Variants in HCFC2 observed in about 807,000 individuals in gnomAD.
HCFC2 encodes the protein host cell factor 2.
In HCFC2, 18 loss-of-function variants were observed where a neutral mutation model predicts 89.2. That is an observed-to-expected ratio of 0.20 (90% CI 0.14 to 0.30). HCFC2 has a LOEUF of 0.30. HCFC2 is among the 10% of genes least tolerant of loss of function. The pLI, the probability that HCFC2 is intolerant of heterozygous loss-of-function variation, is 1.00. For synonymous variants in HCFC2, 308 were observed against 335.7 expected, an observed-to-expected ratio of 0.92 and a Z score of 0.90; for missense variants, 578 against 956.1, an observed-to-expected ratio of 0.60 and a Z score of 5.21.
chr12:104,098,579 G>A, intron 13 of HCFC2, 99 bp downstream of exon 13: 1 of 1,254,456 alleles, frequency 8.0e-7, no homozygotes, highest in Non-Finnish European at 1.1e-6. Context: ...AATTAAGAAT[G>A]AGATTTCTTT....
At chr12:104,081,637 A>C (rs1384132205) in intron 5 of HCFC2, among the ~76,000 whole-genome samples, 1 of 151,488 alleles carries the variant, frequency 6.6e-6, no homozygotes, top group Non-Finnish European at 1.5e-5. Flanking sequence ...AAAACCAAAC[A>C]GGATGGTCTT....
intron 12 of HCFC2, 49 bp from the exon 13 acceptor site, chr12:104,098,294 T>C: frequency 3.4e-6 from 5 of 1,491,752 alleles, no homozygotes; most frequent in Non-Finnish European, 4.5e-6. Flanking sequence ...TTGAAATTTT[T>C]CGTATATTCA....
rs1883722933 is a variant in HCFC2 at position 104,082,796 on chromosome 12, G to A, written c.958G>A (p.Ala320Thr). ...ACCAAGACCAAGAGCTGGCCACTGT[G>A]CTGTTGCAATCGGCACTCGATTGTA... ...SRPRPRAGHC[A>T]VAIGTRLYFW... The change falls in exon 7 of 15, where the codon GCT becomes ACT. Residue 320 changes from alanine (A) to threonine (T), a missense_variant. Coordinates refer to ENST00000229330, the MANE Select transcript of HCFC2 (RefSeq NM_013320.3). 1 of 1,613,926 alleles carries A rather than the reference G, an allele frequency of 6.2e-7. No individual in the cohort carries two copies. Among genetic ancestry groups the A allele is most frequent in the South Asian group, 1.1e-5 (1 of 91,078 alleles).
Position 104,080,838 on chromosome 12 carries a change from G to A in HCFC2, c.767+8G>A. 1 of 1,572,618 alleles carries A rather than the reference G, an allele frequency of 6.4e-7. No homozygotes were observed. The highest frequency in any genetic ancestry group is 8.7e-7 in the Non-Finnish European group (1 of 1,155,540). The stretch of plus-strand genomic sequence containing the variant: ...CAGTGTTATAGGAAACAAGTATGGT[G>A]GTTTTTTGTATTTTGCTTCTGTTTT... On this transcript the variant is annotated splice_region_variant and intron_variant, in intron 5 of 14. Coordinates refer to ENST00000229330, the MANE Select transcript of HCFC2 (RefSeq NM_013320.3).
rs2030049299 is a variant in HCFC2, at chr12:104,105,027, A to G, written c.*1754A>G. 1.3e-5 allele frequency: 2 copies of G among 152,036 alleles called. No homozygotes were observed. Among genetic ancestry groups the G allele is most frequent in the South Asian group, 2.1e-4 (1 of 4,834 alleles). The allele number at this position is 152,036 out of a possible 1,614,324, so 9.4% of individuals were successfully genotyped here. ...TTGGCATATGCTTGCTTTTTGCACT[A>G]GTAGAATTTTAACTTACCTCATTAT... On this transcript the variant is annotated 3_prime_UTR_variant, in exon 15 of 15. Transcript: ENST00000229330.
Position 104,086,925 on chromosome 12 carries a change from C to G in HCFC2, c.1142C>G (p.Ser381Cys). 6.2e-7 allele frequency: 1 copy of G among 1,614,006 alleles called. No homozygotes were observed. ...TTTCATGTCAAGTGGGATGAAGTGT[C>G]TACAGTTGAGGGCTATCTTTTGCAG... The part of the protein sequence containing the change: ...NSFHVKWDEV[S>C]TVEGYLLQLS... The change falls in exon 8 of 15, where the codon TCT (serine) becomes TGT (cysteine). Residue 381 changes from serine to cysteine, a missense_variant. Coordinates refer to ENST00000229330, the MANE Select transcript of HCFC2 (RefSeq NM_013320.3).
intron 9 of HCFC2, among the ~76,000 whole-genome samples, chr12:104,089,336 C>A (rs993741762): frequency 2.0e-5 from 3 of 151,960 alleles, no homozygotes; most frequent in African/African-American, 7.3e-5. Context: ...CATGGTGAAA[C>A]CCTGTCTCTC....
At chr12:104,082,630 T>C (rs1305088158) in intron 6 of HCFC2, 24 bp downstream of exon 6, 2 of 1,578,382 alleles carry the variant, frequency 1.3e-6, no homozygotes, top group South Asian at 1.1e-5. Context: ...GAGTTACTCA[T>C]TGAATTAATC....
intron 2 of HCFC2, among the ~76,000 whole-genome samples, chr12:104,066,562 T>C (rs1883155304): frequency 1.3e-5 from 2 of 152,230 alleles, no homozygotes; most frequent in Admixed American, 1.3e-4. Context: ...CTTTTTCCCA[T>C]ACCCAGTGCA....
chr12:104,075,806 A>G (rs1048789210), intron 3 of HCFC2, among the ~76,000 whole-genome samples: 3 of 151,910 alleles, frequency 2.0e-5, no homozygotes, highest in Non-Finnish European at 4.4e-5. Context: ...ACTTCTAATA[A>G]TTTGAATGCT....
Position 104,064,665 on chromosome 12 carries a change from G to A in HCFC2, c.105G>A (p.Met35Ile), listed in dbSNP as rs1385278764. Residue 35 changes from methionine (M) to isoleucine (I), a missense_variant, in exon 1 of 15, where the codon ATG becomes ATA. Transcript: ENST00000229330. The surrounding 1 kb of genome is among the most constrained non-coding windows in gnomAD (Gnocchi z 7.3). ...GAGCGGTGGCCATCCGGGAGCTGATGATCATCTTTGGAGGGGGAAATGAGG... is the reference window on the plus strand; with the variant it reads ...GAGCGGTGGCCATCCGGGAGCTGATAATCATCTTTGGAGGGGGAAATGAGG... ...GHRAVAIREL[M>I]IIFGGGNEGI... 5.7e-6 allele frequency: 9 copies of A among 1,581,840 alleles called. No homozygotes were observed. The highest frequency in any genetic ancestry group is 6.9e-6 in the Non-Finnish European group (8 of 1,166,132).
At chr12:104,083,699 TC>T (rs1883750372) in intron 7 of HCFC2, among the ~76,000 whole-genome samples, 2 of 152,234 alleles carry the variant, frequency 1.3e-5, no homozygotes, top group South Asian at 2.1e-4. Flanking sequence ...TTTCTGTAAA[TC>T]TAAAATTATT....
intron 3 of HCFC2, among the ~76,000 whole-genome samples, chr12:104,071,181 A>C (rs1393102098): frequency 6.6e-6 from 1 of 152,264 alleles, no homozygotes; most frequent in East Asian, 1.9e-4. Flanking sequence ...CACTGGTAAA[A>C]AGTCAAATCA....
At chr12:104,100,341 A>G in intron 13 of HCFC2, among the ~76,000 whole-genome samples, 1 of 152,134 alleles carries the variant, frequency 6.6e-6, no homozygotes. Flanking sequence ...AGTACTTTGG[A>G]AGTCCAAGGT....
chr12:104,096,278 A>T (rs1884174776), intron 11 of HCFC2, 82 bp from the exon 12 acceptor site: 10 of 905,666 alleles, frequency 1.1e-5, no homozygotes, highest in Non-Finnish European at 1.6e-5. Flanking sequence ...AGTTGGTGGC[A>T]TTAAATATAT....
At chr12:104,072,110 C>T (rs1466002060) in intron 3 of HCFC2, among the ~76,000 whole-genome samples, 3 of 152,148 alleles carry the variant, frequency 2.0e-5, no homozygotes, top group East Asian at 1.9e-4. Context: ...TAGTGGCTCA[C>T]GCCCATAATC....
At chr12:104,073,167 CTTTT>C (rs751054824) in intron 3 of HCFC2, among the ~76,000 whole-genome samples, 1 of 131,664 alleles carries the variant, frequency 7.6e-6, no homozygotes, top group Non-Finnish European at 1.6e-5. Flanking sequence ...TTCTGTTTGC[CTTTT>C]TTTTTTTTTT....
In HCFC2 at chr12:104,095,549, G is replaced by A. The variant is rs1190693816; in HGVS notation, c.1652G>A (p.Ser551Asn). Residue 551 changes from serine (S) to asparagine (N), a missense_variant, in exon 11 of 15, where the codon AGT (serine) becomes AAT (asparagine). Around this residue, in one of 4 missense-constraint regions of HCFC2, gnomAD observed 210 missense variants for 251.7 expected, o/e 0.83. Coordinates refer to ENST00000229330, the MANE Select transcript of HCFC2 (RefSeq NM_013320.3). This position sits in a 1 kb window ranked among gnomAD's most constrained non-coding sequence, Gnocchi z 4.2. Reference protein sequence around the residue: ...VKDETSLTTFSTKSEVDETYA... With the variant: ...VKDETSLTTFNTKSEVDETYA... ...GATGAAACTTCACTAACAACATTCA[G>A]TACCAAATCTGAAGGTTTGAAATGT... 3 of 1,612,620 alleles carry A rather than the reference G, an allele frequency of 1.9e-6. No homozygotes were observed. The highest frequency in any genetic ancestry group is 2.7e-5 in the African/African-American group (2 of 74,900).
In HCFC2 at chr12:104,103,233, G is replaced by A. The variant is rs1262786480; in HGVS notation, c.2339G>A (p.Arg780Gln). ...EKGYGPATQV[R>Q]WLQGNNKKAP... ...GGATATGGACCAGCTACACAAGTTCGGTGGCTTCAAGGTAACAATAAGAAA... is the reference window on the plus strand; with the variant it reads ...GGATATGGACCAGCTACACAAGTTCAGTGGCTTCAAGGTAACAATAAGAAA... Residue 780 changes from arginine (R) to glutamine (Q), a missense_variant, in exon 15 of 15, where the codon CGG (arginine) becomes CAG (glutamine). By Grantham distance (43) the Arg-to-Gln change is conservative (BLOSUM62 1). Coordinates refer to ENST00000229330, the MANE Select transcript of HCFC2 (RefSeq NM_013320.3). 6.2e-6 allele frequency: 10 copies of A among 1,613,548 alleles called. No individual in the cohort carries two copies. The highest frequency in any genetic ancestry group is 1.7e-5 in the Admixed American group (1 of 59,982).
Sources: gnomAD v4.1 joint callset for allele counts (sites outside exome capture counted in the v4.1 genomes callset) on GRCh38, gnomAD v4.1.1 for gene constraint, gnomAD v4.1.1 regional missense constraint, Gnocchi (gnomAD v3.1) non-coding constraint, MANE v1.5 for transcripts, NCBI Gene and HGNC (gene_info 2026-07-23, HGNC 2026-07-21) for gene names.